The following OSBPL11 variants were observed in gnomAD, a reference collection of about 807,000 sequenced individuals.
OSBPL11 encodes oxysterol-binding protein-related protein 11.
Under a neutral mutation model 84.4 loss-of-function variants are expected in OSBPL11, and 33 were observed. The observed-to-expected ratio is 0.39, with a 90% CI of 0.30 to 0.52. The LOEUF is 0.52. Among genes scored for constraint, OSBPL11 ranks in the 20% least tolerant of loss-of-function variants. The probability of loss-of-function intolerance (pLI) is 0.72; values close to 1 mark genes in which losing one functional copy is unlikely to be tolerated. For synonymous variants in OSBPL11, 276 were observed against 310.2 expected, an observed-to-expected ratio of 0.89 and a Z score of 1.16; for missense variants, 736 against 901.1, an observed-to-expected ratio of 0.82 and a Z score of 2.35.
chr3:125,572,506 G>A (rs9817805), intron 5 of OSBPL11, among the ~76,000 whole-genome samples: 20,266 of 152,120 alleles, frequency 0.13, 1,378 homozygotes, highest in South Asian at 0.18. Flanking sequence ...CATGTTGTAG[G>A]AGGGACCCAG....
intron 8 of OSBPL11, among the ~76,000 whole-genome samples, chr3:125,554,922 G>A (rs1346449378): frequency 1.3e-5 from 2 of 151,962 alleles, no homozygotes; most frequent in African/African-American, 4.8e-5. Context: ...CAAAATAGAA[G>A]AAAGAAAAAT....
At chr3:125,573,390 G>A (rs915399198) in intron 5 of OSBPL11, among the ~76,000 whole-genome samples, 1 of 152,108 alleles carries the variant, frequency 6.6e-6, no homozygotes, top group Non-Finnish European at 1.5e-5. Flanking sequence ...TACTAGAATG[G>A]TCATTTGAGT....
intron 10 of OSBPL11, among the ~76,000 whole-genome samples, chr3:125,546,427 G>C (rs1025414795): frequency 6.6e-6 from 1 of 151,866 alleles, no homozygotes; most frequent in African/African-American, 2.4e-5. Flanking sequence ...TCTGCCTACT[G>C]GGTTCAAGTG....
At chr3:125,594,515 A>T in intron 1 of OSBPL11, 122 bp downstream of exon 1, 1 of 1,147,112 alleles carries the variant, frequency 8.7e-7, no homozygotes. Flanking sequence ...AACGAGATGT[A>T]TCAGTAGCTT....
chr3:125,571,454 G>A (rs1580056008), intron 5 of OSBPL11, among the ~76,000 whole-genome samples: 1 of 152,286 alleles, frequency 6.6e-6, no homozygotes, highest in East Asian at 1.9e-4. Flanking sequence ...AGACAATGGG[G>A]AAAATGTCTC....
At chr3:125,541,879 G>A (rs977617302) in intron 10 of OSBPL11, among the ~76,000 whole-genome samples, 2 of 152,064 alleles carry the variant, frequency 1.3e-5, no homozygotes, top group Admixed American at 6.6e-5. Flanking sequence ...CACCGTACCC[G>A]GCCCCCAAAT....
chr3:125,580,386 T>C (rs187205215), intron 2 of OSBPL11, among the ~76,000 whole-genome samples: 230 of 152,018 alleles, frequency 1.5e-3, no homozygotes, highest in Non-Finnish European at 2.6e-3. Flanking sequence ...TGGTGGTGCA[T>C]GCCTGTAATC....
intron 10 of OSBPL11, among the ~76,000 whole-genome samples, chr3:125,540,510 G>A (rs1410413585): frequency 1.3e-5 from 2 of 152,066 alleles, no homozygotes; most frequent in African/African-American, 2.4e-5. Context: ...AATGTTTCTT[G>A]TGATGTCATT....
At chr3:125,578,911 T>A (rs756359582) in intron 4 of OSBPL11, 49 bp downstream of exon 4, 2 of 1,215,630 alleles carry the variant, frequency 1.6e-6, no homozygotes, top group Non-Finnish European at 2.3e-6. Flanking sequence ...AAATAAAAAA[T>A]ATTCCTTCCT....
rs1244739311 is a variant in OSBPL11, at chr3:125,538,558, A to G, written c.1917T>C (p.Leu639=). The G allele has an allele frequency of 3.1e-6, 5 of 1,614,188 alleles. No homozygotes were observed. The South Asian group carries it at 5.5e-5, about 18-fold the overall frequency. The change falls in exon 11 of 13, where the codon CTT becomes CTC. Residue 639 remains leucine (L), a synonymous_variant. Transcript: ENST00000296220. ...TCTCTCCATTGCTATATGTGAACTCAAGAACACTATTCCATTCCCCTTGCA... is the reference window on the plus strand; with the variant it reads ...TCTCTCCATTGCTATATGTGAACTCGAGAACACTATTCCATTCCCCTTGCA... ...CRVQGEWNSV[L]EFTYSNGETK... is the part of the protein sequence containing the mutation.
At chr3:125,594,180 A>G (rs1936645417) in intron 1 of OSBPL11, among the ~76,000 whole-genome samples, 1 of 152,210 alleles carries the variant, frequency 6.6e-6, no homozygotes, top group African/African-American at 2.4e-5. Flanking sequence ...CCAAGTCACA[A>G]ATACCTTCAG....
At position 125,530,343 on chromosome 3, in the gene OSBPL11, T is replaced by C. The variant is rs1331063524; in HGVS notation, c.*172A>G. 9 of 636,948 alleles carry C rather than the reference T, an allele frequency of 1.4e-5. No individual in the cohort carries two copies. The highest frequency in any genetic ancestry group is 2.5e-5 in the Non-Finnish European group (9 of 353,654). The allele number at this position is 636,948 out of a possible 1,614,324, so 39.5% of individuals were successfully genotyped here. A position where few individuals can be genotyped will look rare whatever the true frequency, so the allele number is the denominator to read the frequency against. On this transcript the variant is annotated 3_prime_UTR_variant, in exon 13 of 13. Coordinates refer to ENST00000296220, the MANE Select transcript of OSBPL11 (RefSeq NM_022776.5). ...TGGTAAAAGGTCCACTGTGTTTCTTTACCACTTTGGTCTTGCTGCAGTATT... is the reference window on the plus strand; with the variant it reads ...TGGTAAAAGGTCCACTGTGTTTCTTCACCACTTTGGTCTTGCTGCAGTATT...
intron 1 of OSBPL11, among the ~76,000 whole-genome samples, chr3:125,593,077 C>T (rs954432407): frequency 6.6e-6 from 1 of 152,146 alleles, no homozygotes; most frequent in Non-Finnish European, 1.5e-5. Flanking sequence ...AAATAACATT[C>T]GAAGGCACCT....
intron 5 of OSBPL11, 148 bp from the exon 6 acceptor site, chr3:125,567,743 G>A (rs935856798): frequency 3.9e-5 from 26 of 659,588 alleles, no homozygotes; most frequent in Non-Finnish European, 5.7e-5. Flanking sequence ...CTATAATCCC[G>A]GCATTTTGGG....
intron 10 of OSBPL11, 80 bp downstream of exon 10, chr3:125,547,326 G>C: frequency 8.2e-7 from 1 of 1,215,340 alleles, no homozygotes; most frequent in South Asian, 1.4e-5. Context: ...ACATAGAACA[G>C]AGCAGAAAAA....
At chr3:125,586,924 C>T (rs1473912959) in intron 1 of OSBPL11, among the ~76,000 whole-genome samples, 7 of 152,154 alleles carry the variant, frequency 4.6e-5, no homozygotes, top group Admixed American at 1.3e-4. Flanking sequence ...AACAATTACT[C>T]AATACCTACT....
intron 7 of OSBPL11, among the ~76,000 whole-genome samples, chr3:125,560,782 G>T (rs1317976944): frequency 2.0e-5 from 3 of 152,092 alleles, no homozygotes; most frequent in Non-Finnish European, 2.9e-5. Flanking sequence ...GGGGAAAATA[G>T]AATTTTTCAA....
chr3:125,539,453 T>C (rs1009305710), intron 10 of OSBPL11, among the ~76,000 whole-genome samples: 2 of 151,558 alleles, frequency 1.3e-5, no homozygotes, highest in Admixed American at 6.6e-5. Flanking sequence ...TTATTATTGT[T>C]ATTTTTGAGA....
At chr3:125,549,278 G>GCT (rs1396546825) in intron 9 of OSBPL11, among the ~76,000 whole-genome samples, 7 of 151,964 alleles carry the variant, frequency 4.6e-5, no homozygotes, top group Non-Finnish European at 8.8e-5. Flanking sequence ...CCCACCTCGG[G>GCT]CTCCCAAAGT....
Sources: allele counts gnomAD v4.1 joint callset (sites outside exome capture counted in the v4.1 genomes callset), GRCh38; gene constraint gnomAD v4.1.1; transcripts MANE v1.5; gene names NCBI Gene and HGNC (gene_info 2026-07-23, HGNC 2026-07-21).